Variants in CSGALNACT1 observed in about 807,000 individuals in gnomAD.
CSGALNACT1 encodes the protein chondroitin sulfate N-acetylgalactosaminyltransferase 1, also known as beta4GalNAcT-1.
Under a neutral mutation model 51.0 loss-of-function variants are expected in CSGALNACT1, and 52 were observed. That is an observed-to-expected ratio of 1.02 (90% CI 0.82 to 1.29). The LOEUF (loss-of-function observed/expected upper bound fraction) is 1.29, where lower values mean the gene tolerates loss of function less well. Among genes scored for constraint, CSGALNACT1 ranks in the 50% most tolerant of loss-of-function variants. The pLI is 0.00. For synonymous variants in CSGALNACT1, 341 were observed against 254.4 expected, an observed-to-expected ratio of 1.34 and a Z score of -3.24; for missense variants, 935 against 679.2, an observed-to-expected ratio of 1.38 and a Z score of -4.19.
intron 1 of CSGALNACT1, among the ~76,000 whole-genome samples, chr8:19,660,352 T>A (rs1357080553): frequency 6.6e-6 from 1 of 152,216 alleles, no homozygotes; most frequent in Non-Finnish European, 1.5e-5. Context: ...GCAAATTACT[T>A]AATCCCCCTA....
intron 1 of CSGALNACT1, among the ~76,000 whole-genome samples, chr8:19,737,441 T>C (rs2064050864): frequency 6.6e-6 from 1 of 152,198 alleles, no homozygotes; most frequent in Non-Finnish European, 1.5e-5. Flanking sequence ...CACAGTTTTC[T>C]AATACTTTCT....
intron 3 of CSGALNACT1, among the ~76,000 whole-genome samples, chr8:19,543,886 G>T (rs189119185): frequency 1.3e-5 from 2 of 152,082 alleles, no homozygotes; most frequent in Non-Finnish European, 2.9e-5. Flanking sequence ...AACAAAATAC[G>T]ACCTTTTACC....
At chr8:19,422,324 C>CA (rs1368696371) in intron 6 of CSGALNACT1, among the ~76,000 whole-genome samples, 1 of 152,132 alleles carries the variant, frequency 6.6e-6, no homozygotes, top group Non-Finnish European at 1.5e-5. Flanking sequence ...TCCCAAGTAG[C>CA]TGGGACTACA....
chr8:19,731,373 T>TGGCCCATGCCTGTAATCCC (rs2063684007), intron 1 of CSGALNACT1, among the ~76,000 whole-genome samples: 1 of 152,152 alleles, frequency 6.6e-6, no homozygotes, highest in East Asian at 1.9e-4. Context: ...GCAGGCGTGG[T>TGGCCCATGCCTGTAATCCC]GGCCCATGCC....
intron 9 of CSGALNACT1, among the ~76,000 whole-genome samples, chr8:19,406,975 C>G (rs2054331794): frequency 6.6e-6 from 1 of 152,208 alleles, no homozygotes; most frequent in African/African-American, 2.4e-5. Flanking sequence ...TCCCAGAGTG[C>G]TGGGAATACA....
intron 1 of CSGALNACT1, among the ~76,000 whole-genome samples, chr8:19,713,464 C>T (rs986069569): frequency 2.6e-5 from 4 of 152,104 alleles, no homozygotes; most frequent in Non-Finnish European, 4.4e-5. Flanking sequence ...AAGTCCTCAC[C>T]CACAGTAGCT....
intron 1 of CSGALNACT1, among the ~76,000 whole-genome samples, chr8:19,705,788 A>C (rs1589614038): frequency 1.3e-5 from 2 of 152,176 alleles, no homozygotes; most frequent in Non-Finnish European, 1.5e-5. Flanking sequence ...AAAATTGTAC[A>C]TGACATATTA....
intron 3 of CSGALNACT1, among the ~76,000 whole-genome samples, chr8:19,581,475 GTT>G (rs1301795501): frequency 6.6e-6 from 1 of 152,138 alleles, no homozygotes; most frequent in Non-Finnish European, 1.5e-5. Flanking sequence ...CACAAATTTT[GTT>G]TTGTTTTTAA....
chr8:19,539,788 G>C (rs770713286), intron 3 of CSGALNACT1, among the ~76,000 whole-genome samples: 10 of 152,222 alleles, frequency 6.6e-5, no homozygotes, highest in African/African-American at 9.6e-5. Context: ...CCCCCTTCCA[G>C]AGGCGATGCC....
At chr8:19,721,603 T>A (rs2063133405) in intron 1 of CSGALNACT1, among the ~76,000 whole-genome samples, 1 of 152,074 alleles carries the variant, frequency 6.6e-6, no homozygotes. Context: ...GCTAAAAGCA[T>A]TTAAATTGGG....
At chr8:19,511,504 T>C (rs1324490938) in intron 3 of CSGALNACT1, among the ~76,000 whole-genome samples, 3 of 152,202 alleles carry the variant, frequency 2.0e-5, no homozygotes. Flanking sequence ...TCAAATGCTC[T>C]CAAAAATGGA....
At chr8:19,577,804 C>G (rs892799367) in intron 3 of CSGALNACT1, among the ~76,000 whole-genome samples, 2 of 152,158 alleles carry the variant, frequency 1.3e-5, no homozygotes, top group African/African-American at 4.8e-5. Context: ...GTGTCTTTAA[C>G]TGTAAAACTG....
chr8:19,515,685 A>G (rs1035274411), intron 3 of CSGALNACT1, among the ~76,000 whole-genome samples: 2 of 152,174 alleles, frequency 1.3e-5, no homozygotes, highest in Non-Finnish European at 2.9e-5. Context: ...AACCACAAGC[A>G]CCAAAAGGTC....
chr8:19,557,619 C>T (rs2039760514), intron 3 of CSGALNACT1, among the ~76,000 whole-genome samples: 1 of 152,172 alleles, frequency 6.6e-6, no homozygotes, highest in African/African-American at 2.4e-5. Context: ...TCCACAAGGC[C>T]TATTCCTGTA....
chr8:19,670,661 A>C (rs1481389550), intron 1 of CSGALNACT1, among the ~76,000 whole-genome samples: 3 of 150,876 alleles, frequency 2.0e-5, no homozygotes, highest in African/African-American at 7.3e-5. Flanking sequence ...AAAAAAAAAA[A>C]AAAAAAAAAA....
chr8:19,561,728 C>T (rs902557499), intron 3 of CSGALNACT1, among the ~76,000 whole-genome samples: 1 of 152,166 alleles, frequency 6.6e-6, no homozygotes, highest in African/African-American at 2.4e-5. Context: ...GAAACTAGCA[C>T]AAGAACAAGC....
At chr8:19,611,564 G>A (rs2052264635) in intron 1 of CSGALNACT1, among the ~76,000 whole-genome samples, 1 of 152,140 alleles carries the variant, frequency 6.6e-6, no homozygotes, top group African/African-American at 2.4e-5. Flanking sequence ...TAAATAACTT[G>A]CTTAGTGTCA....
At chr8:19,572,163 T>C in intron 3 of CSGALNACT1, among the ~76,000 whole-genome samples, 1 of 152,190 alleles carries the variant, frequency 6.6e-6, no homozygotes, top group Admixed American at 6.5e-5. Context: ...TAATCATGTT[T>C]TCATATGCTT....
intron 8 of CSGALNACT1, among the ~76,000 whole-genome samples, chr8:19,417,527 G>A (rs1230201635): frequency 6.6e-6 from 1 of 152,190 alleles, no homozygotes; most frequent in African/African-American, 2.4e-5. Context: ...CATGGGTTTT[G>A]GATGGAAATC....
Sources: gnomAD v4.1 joint callset for allele counts (sites outside exome capture counted in the v4.1 genomes callset) on GRCh38, gnomAD v4.1.1 for gene constraint, MANE v1.5 for transcripts, NCBI Gene and HGNC (gene_info 2026-07-23, HGNC 2026-07-21) for gene names.